Variants in CAMSAP1 observed in about 807,000 individuals in gnomAD.
CAMSAP1 encodes calmodulin regulated spectrin associated protein 1.
A neutral mutation model predicts 143.5 loss-of-function variants in CAMSAP1; 58 were observed. The observed-to-expected ratio is 0.40, with a 90% CI of 0.33 to 0.50. CAMSAP1 has a LOEUF of 0.50. Among genes scored for constraint, CAMSAP1 ranks in the 20% least tolerant of loss-of-function variants. CAMSAP1 has a pLI of 0.45. For missense variants in CAMSAP1, 1,969 were observed against 2,115.7 expected, an observed-to-expected ratio of 0.93 and a Z score of 1.36; for synonymous variants, 945 against 859.3, an observed-to-expected ratio of 1.10 and a Z score of -1.74.
intron 5 of CAMSAP1, among the ~76,000 whole-genome samples, chr9:135,857,594 C>T (rs918015257): frequency 1.3e-5 from 2 of 152,340 alleles, no homozygotes; most frequent in East Asian, 1.9e-4. Flanking sequence ...CTCCTGCTCA[C>T]CTGCACCATC....
intron 7 of CAMSAP1, among the ~76,000 whole-genome samples, chr9:135,841,407 G>T (rs1420050031): frequency 6.6e-6 from 1 of 152,326 alleles, no homozygotes; most frequent in East Asian, 1.9e-4. Context: ...AGGGGAAGGG[G>T]TGGCTATGGG....
chr9:135,853,946 T>C (rs952299655), intron 5 of CAMSAP1, among the ~76,000 whole-genome samples: 2 of 152,260 alleles, frequency 1.3e-5, no homozygotes, highest in Admixed American at 6.5e-5. Flanking sequence ...CTGAGATGAC[T>C]GTAGAGAATC....
chr9:135,865,317 T>C, intron 4 of CAMSAP1: 3 of 1,550,510 alleles, frequency 1.9e-6, no homozygotes, highest in Non-Finnish European at 2.6e-6. Context: ...AGCTGGCGGC[T>C]TGGGGTTCAC....
Position 135,837,398 on chromosome 9 carries a change from G to A in CAMSAP1, c.1046-9814C>T, listed in dbSNP as rs148250630. Among the ~76,000 whole-genome samples the A allele has an allele frequency of 1.3e-3, 164 of 128,426 alleles. 1 individual carries two copies. The East Asian group carries it at 0.036, about 28-fold the overall frequency. The allele number at this position is 128,426 out of a possible 152,430, so 84.3% of individuals were successfully genotyped here. Reference sequence around the variant, plus strand: ...ACACGTCATCACGCACTTTCTGCCCGTTGTACAGACACACGTCATCACGCG... The same window carrying A: ...ACACGTCATCACGCACTTTCTGCCCATTGTACAGACACACGTCATCACGCG... On this transcript the variant is annotated intron_variant, in intron 7 of 16. Transcript: ENST00000389532.
Position 135,823,953 on chromosome 9 carries a change from G to GTT in CAMSAP1, c.1395_1396dup (p.Thr466LysfsTer47). 4 of 1,519,278 alleles carry GTT rather than the reference G, an allele frequency of 2.6e-6. No homozygotes were observed. Among genetic ancestry groups the GTT allele is most frequent in the Non-Finnish European group, 3.6e-6 (4 of 1,115,752 alleles). The allele number at this position is 1,519,278 out of a possible 1,614,324, so 94.1% of individuals were successfully genotyped here. A position where few individuals can be genotyped will look rare whatever the true frequency, so the allele number is the denominator to read the frequency against. ...CACTGCTGAAACACAGACTCACCTG[G>GTT]TTTTTTTTTCTGGCCAGGCTATTGC... On this transcript the variant is annotated frameshift_variant, in exon 10 of 17. Transcript: ENST00000389532. LOFTEE classifies it high-confidence loss of function.
At chr9:135,817,909 A>T in intron 14 of CAMSAP1, 68 bp downstream of exon 14, 1 of 1,243,504 alleles carries the variant, frequency 8.0e-7, no homozygotes, top group African/African-American at 1.5e-5. Flanking sequence ...GTGTTTAATC[A>T]GGAAGTCCCA....
At chr9:135,855,127 G>C (rs62582750) in intron 5 of CAMSAP1, among the ~76,000 whole-genome samples, 21,254 of 152,002 alleles carry the variant, frequency 0.14, 1,668 homozygotes, top group Non-Finnish European at 0.17. Flanking sequence ...GAGTAGCTGA[G>C]ACTACAGGTG....
intron 7 of CAMSAP1, among the ~76,000 whole-genome samples, chr9:135,830,376 A>G (rs1238623080): frequency 1.3e-5 from 2 of 152,224 alleles, no homozygotes; most frequent in Non-Finnish European, 2.9e-5. Flanking sequence ...AAGATATTCC[A>G]CGCATGCAAA....
chr9:135,860,223 C>A (rs751770885), intron 5 of CAMSAP1, among the ~76,000 whole-genome samples: 2 of 148,004 alleles, frequency 1.4e-5, no homozygotes, highest in African/African-American at 5.0e-5. Context: ...AGAGTGAGAC[C>A]TTGTCTCCAT....
chr9:135,840,724 A>G (rs1030197273), intron 7 of CAMSAP1, among the ~76,000 whole-genome samples: 1 of 152,210 alleles, frequency 6.6e-6, no homozygotes, highest in Admixed American at 6.5e-5. Flanking sequence ...GAGGGCAAGC[A>G]CGGTGGGGAA....
Position 135,823,957 on chromosome 9 carries a change from T to G in CAMSAP1, c.1393A>C (p.Lys465Gln), listed in dbSNP as rs1309464537. 2 of 1,579,442 alleles carry G rather than the reference T, an allele frequency of 1.3e-6. No homozygotes were observed. Among genetic ancestry groups the G allele is most frequent in the East Asian group, 2.3e-5 (1 of 43,600 alleles). The change falls in exon 10 of 17, where the codon AAA (lysine) becomes CAA (glutamine). Residue 465 changes from lysine to glutamine, a missense_variant. Coordinates refer to ENST00000389532, the MANE Select transcript of CAMSAP1 (RefSeq NM_015447.4). Reference sequence around the variant, plus strand: ...GCTGAAACACAGACTCACCTGGTTTTTTTTTCTGGCCAGGCTATTGCTGCT... The same window carrying G: ...GCTGAAACACAGACTCACCTGGTTTGTTTTTCTGGCCAGGCTATTGCTGCT... Reference protein sequence around the residue: ...RGAAIAWPEKKTRPASQPTPF... With the variant: ...RGAAIAWPEKQTRPASQPTPF...
intron 5 of CAMSAP1, among the ~76,000 whole-genome samples, chr9:135,851,995 C>CA: frequency 6.6e-6 from 1 of 152,324 alleles, no homozygotes; most frequent in South Asian, 2.1e-4. Flanking sequence ...CAGCACTCCA[C>CA]AGCTTGCTCC....
At chr9:135,856,875 C>A (rs1351205744) in intron 5 of CAMSAP1, among the ~76,000 whole-genome samples, 1 of 152,250 alleles carries the variant, frequency 6.6e-6, no homozygotes, top group African/African-American at 2.4e-5. Context: ...ACGCTCCTGG[C>A]CCATCCATGG....
chr9:135,893,931 A>C (rs1459895440), intron 1 of CAMSAP1, among the ~76,000 whole-genome samples: 2 of 152,222 alleles, frequency 1.3e-5, no homozygotes, highest in Non-Finnish European at 2.9e-5. Context: ...AAGGTGGAAG[A>C]GGAAAGCAAA....
chr9:135,899,245 T>C (rs1184266141), intron 1 of CAMSAP1, among the ~76,000 whole-genome samples: 1 of 152,052 alleles, frequency 6.6e-6, no homozygotes, highest in Non-Finnish European at 1.5e-5. Context: ...TCTTAAAACA[T>C]GTGTGCTTTA....
At chr9:135,895,441 G>A in intron 1 of CAMSAP1, among the ~76,000 whole-genome samples, 1 of 152,066 alleles carries the variant, frequency 6.6e-6, no homozygotes, top group East Asian at 1.9e-4. Flanking sequence ...AAGTGCTGAA[G>A]GAAAAGAACT....
intron 1 of CAMSAP1, among the ~76,000 whole-genome samples, chr9:135,885,330 TG>T (rs1838088952): frequency 6.6e-6 from 1 of 152,188 alleles, no homozygotes; most frequent in South Asian, 2.1e-4. Flanking sequence ...TGTAGATGTC[TG>T]GGGGCACCTC....
rs981886064 is a variant in CAMSAP1, at chr9:135,818,513, C to T, written c.4063G>A (p.Glu1355Lys). 1 of 1,612,004 alleles carries T rather than the reference C, an allele frequency of 6.2e-7. No individual in the cohort carries two copies. Among genetic ancestry groups the T allele is most frequent in the Non-Finnish European group, 8.5e-7 (1 of 1,179,788 alleles). ...LRRKQQQILE[E>K]QGLGKPKSKP... ...GACTTGGGCTTGCCGAGCCCCTGCTCCTCTAGGATCTGCTGCTGCTTCCTC... is the reference window on the plus strand; with the variant it reads ...GACTTGGGCTTGCCGAGCCCCTGCTTCTCTAGGATCTGCTGCTGCTTCCTC... Residue 1355 changes from glutamate to lysine, a missense_variant, in exon 13 of 17, where the codon GAG becomes AAG. This residue lies in a region of CAMSAP1 where 1,390 missense variants were observed against 1,420.8 expected (regional missense o/e 0.98). Transcript: ENST00000389532. This position sits in a 1 kb window ranked among gnomAD's most constrained non-coding sequence, Gnocchi z 7.7.
intron 5 of CAMSAP1, among the ~76,000 whole-genome samples, chr9:135,860,741 T>G (rs1837158941): frequency 6.6e-6 from 1 of 152,128 alleles, no homozygotes; most frequent in Non-Finnish European, 1.5e-5. Flanking sequence ...TTAAATATCC[T>G]GTTATCTTTC....
Sources: gnomAD v4.1 joint callset for allele counts (sites outside exome capture counted in the v4.1 genomes callset) on GRCh38, gnomAD v4.1.1 for gene constraint, gnomAD v4.1.1 regional missense constraint, Gnocchi (gnomAD v3.1) non-coding constraint, MANE v1.5 for transcripts, NCBI Gene and HGNC (gene_info 2026-07-23, HGNC 2026-07-21) for gene names.